The following RBMS3 variants were observed in gnomAD, a reference collection of about 807,000 sequenced individuals.
RBMS3 encodes RNA binding motif single stranded interacting protein 3.
Under a neutral mutation model 66.8 loss-of-function variants are expected in RBMS3, and 27 were observed. The observed-to-expected ratio is 0.40, with a 90% CI of 0.30 to 0.56. RBMS3 has a LOEUF of 0.56. RBMS3 is among the 20% of genes least tolerant of loss of function. The pLI is 0.40. For missense variants in RBMS3, 513 were observed against 549.5 expected (o/e 0.93, Z 0.66); for synonymous variants, 188 against 183.0 (o/e 1.03, Z -0.22).
intron 1 of RBMS3, among the ~76,000 whole-genome samples, chr3:29,406,137 C>T (rs1456501051): frequency 3.9e-5 from 6 of 152,118 alleles, no homozygotes; most frequent in Non-Finnish European, 7.4e-5. Context: ...TAGGTATCTT[C>T]GGTGCAATTC....
chr3:29,837,548 G>T (rs767251734), intron 6 of RBMS3, among the ~76,000 whole-genome samples: 1 of 150,346 alleles, frequency 6.7e-6, no homozygotes, highest in African/African-American at 2.4e-5. Context: ...CCCCCTCCCC[G>T]TCTGTATTGA....
At chr3:29,634,776 AC>A (rs2049415524) in intron 4 of RBMS3, among the ~76,000 whole-genome samples, 1 of 151,734 alleles carries the variant, frequency 6.6e-6, no homozygotes, top group South Asian at 2.1e-4. Flanking sequence ...GTTTTCTAAT[AC>A]TTCCTATTCC....
At chr3:29,424,552 A>G (rs1027018268) in intron 1 of RBMS3, among the ~76,000 whole-genome samples, 3 of 152,184 alleles carry the variant, frequency 2.0e-5, no homozygotes, top group African/African-American at 7.2e-5. Flanking sequence ...GAACTGGTAT[A>G]AGGAAATTAG....
intron 1 of RBMS3, among the ~76,000 whole-genome samples, chr3:29,286,320 A>G (rs1032783077): frequency 6.6e-6 from 1 of 151,994 alleles, no homozygotes; most frequent in African/African-American, 2.4e-5. Flanking sequence ...AACTCCCCCA[A>G]GCCTTCATTA....
At chr3:29,682,932 T>G (rs1173378389) in intron 4 of RBMS3, among the ~76,000 whole-genome samples, 1 of 152,222 alleles carries the variant, frequency 6.6e-6, no homozygotes, top group Non-Finnish European at 1.5e-5. Flanking sequence ...ACTCTTCCTA[T>G]GCAAAGTGTA....
intron 1 of RBMS3, among the ~76,000 whole-genome samples, chr3:29,345,336 T>A (rs1307792067): frequency 1.3e-5 from 2 of 152,236 alleles, no homozygotes; most frequent in Non-Finnish European, 2.9e-5. Context: ...CTTTATCTGC[T>A]TCTGTCACAG....
intron 1 of RBMS3, among the ~76,000 whole-genome samples, chr3:29,422,331 A>G: frequency 6.6e-6 from 1 of 151,950 alleles, no homozygotes; most frequent in East Asian, 1.9e-4. Context: ...CAATTTGGAG[A>G]AGAAAAAGCA....
chr3:29,644,693 C>T (rs533552014), intron 4 of RBMS3, among the ~76,000 whole-genome samples: 255 of 152,266 alleles, frequency 1.7e-3, no homozygotes, highest in Non-Finnish European at 1.9e-3. Context: ...GAATTTTAGT[C>T]TTTCATTGCA....
In RBMS3 at chr3:29,739,842, C is replaced by G; in HGVS notation, c.522C>G (p.Asp174Glu). Residue 174 changes from aspartate to glutamate, a missense_variant, in exon 5 of 15, where the codon GAC (aspartate) becomes GAG (glutamate). Coordinates refer to ENST00000383767, the MANE Select transcript of RBMS3 (RefSeq NM_001003793.3). ...TCATTTCCACAAGAATACTAAGAGA[C>G]GCTAATGGAGTCAGCAGAGGTGTTG... ...GHVISTRILR[D>E]ANGVSRGVGF... The G allele has an allele frequency of 6.2e-7, 1 of 1,611,126 alleles. No homozygotes were observed. The highest frequency in any genetic ancestry group is 8.5e-7 in the Non-Finnish European group (1 of 1,178,850).
At chr3:29,326,851 C>T (rs2035367409) in intron 1 of RBMS3, among the ~76,000 whole-genome samples, 1 of 151,802 alleles carries the variant, frequency 6.6e-6, no homozygotes, top group African/African-American at 2.4e-5. Flanking sequence ...CTGCCTCAGT[C>T]TCACAAGTAG....
At chr3:29,663,366 G>A (rs1431773231) in intron 4 of RBMS3, among the ~76,000 whole-genome samples, 8 of 152,078 alleles carry the variant, frequency 5.3e-5, no homozygotes, top group Non-Finnish European at 8.8e-5. Context: ...CTTGCATAAC[G>A]AAGACCTTGA....
intron 6 of RBMS3, among the ~76,000 whole-genome samples, chr3:29,768,975 A>G (rs1214747256): frequency 2.0e-5 from 3 of 151,940 alleles, no homozygotes; most frequent in Non-Finnish European, 2.9e-5. Context: ...TTAGGGAACT[A>G]CTTTTTGATT....
At chr3:29,768,864 A>T (rs1376790547) in intron 6 of RBMS3, among the ~76,000 whole-genome samples, 2 of 151,762 alleles carry the variant, frequency 1.3e-5, no homozygotes, top group Non-Finnish European at 1.5e-5. Flanking sequence ...TTCCTTTTCT[A>T]TCATCTCAGC....
chr3:29,651,465 A>C (rs189576380), intron 4 of RBMS3, among the ~76,000 whole-genome samples: 14 of 152,312 alleles, frequency 9.2e-5, no homozygotes, highest in Middle Eastern at 3.4e-3. Flanking sequence ...CTCATGATAA[A>C]TTTAAAGCTG....
intron 5 of RBMS3, among the ~76,000 whole-genome samples, chr3:29,751,100 C>T (rs2055162133): frequency 6.6e-6 from 1 of 152,066 alleles, no homozygotes; most frequent in Admixed American, 6.5e-5. Context: ...AATACCCAAT[C>T]AAGGGACCTA....
intron 4 of RBMS3, among the ~76,000 whole-genome samples, chr3:29,716,937 CAT>C (rs140614563): frequency 0.028 from 4,291 of 151,984 alleles, 86 homozygotes; most frequent in Admixed American, 0.064. Flanking sequence ...CACATACAGA[CAT>C]ATATAATACG....
chr3:29,487,525 T>C (rs1422121979), intron 2 of RBMS3, among the ~76,000 whole-genome samples: 2 of 152,150 alleles, frequency 1.3e-5, no homozygotes, highest in Admixed American at 1.3e-4. Context: ...ACAGAATCTT[T>C]ACCCCCTTCC....
chr3:29,813,811 G>A (rs1359159078), intron 6 of RBMS3, among the ~76,000 whole-genome samples: 1 of 152,068 alleles, frequency 6.6e-6, no homozygotes, highest in African/African-American at 2.4e-5. Context: ...GAATGCTTGT[G>A]ATTTTTGTAC....
intron 4 of RBMS3, among the ~76,000 whole-genome samples, chr3:29,672,311 G>A (rs1054223696): frequency 3.3e-5 from 5 of 152,134 alleles, no homozygotes; most frequent in Admixed American, 3.3e-4. Context: ...AGGAATAACC[G>A]GTACCAGCCA....
Sources: gnomAD v4.1 joint callset for allele counts (sites outside exome capture counted in the v4.1 genomes callset) on GRCh38, gnomAD v4.1.1 for gene constraint, MANE v1.5 for transcripts, NCBI Gene and HGNC (gene_info 2026-07-23, HGNC 2026-07-21) for gene names.